FRMD1: variants seen among roughly 807,000 people sequenced by gnomAD.
The protein encoded by FRMD1 is FERM domain containing 1.
In FRMD1, 51 loss-of-function variants were observed where a neutral mutation model predicts 54.9. That is an observed-to-expected ratio of 0.93 (90% CI 0.74 to 1.17). FRMD1 has a LOEUF of 1.17. Among genes scored for constraint, FRMD1 ranks in the 50% most tolerant of loss-of-function variants. The pLI is 0.00. For synonymous variants in FRMD1, 324 were observed against 306.4 expected, an observed-to-expected ratio of 1.06 and a Z score of -0.60; for missense variants, 729 against 743.0, an observed-to-expected ratio of 0.98 and a Z score of 0.22.
intron 7 of FRMD1, among the ~76,000 whole-genome samples, chr6:168,062,395 C>T (rs1562410370): frequency 6.6e-6 from 1 of 152,224 alleles, no homozygotes; most frequent in Non-Finnish European, 1.5e-5. Flanking sequence ...GTTTCTATGA[C>T]CTGCTCTTCT....
rs771021520 is a variant in FRMD1, at chr6:168,061,088, AGCTGGAGAGGGACCAGCCCT to A, written c.1046-51_1046-32del. 6.9e-6 allele frequency: 11 copies of A among 1,587,048 alleles called. No homozygotes were observed. In the South Asian group the frequency reaches 1.2e-4, roughly 18 times the overall value. ...GGGAGTGGGGAGCACAGTGAGGGCG[AGCTGGAGAGGGACCAGCCCT>A]GCTGATGCAGGAGGAAGAGCCCGGG... On this transcript the variant is annotated intron_variant, in intron 8 of 10. Coordinates refer to ENST00000283309, the MANE Select transcript of FRMD1 (RefSeq NM_024919.6).
Position 168,062,940 on chromosome 6 carries a change from GGAC to G in FRMD1, c.821_823del (p.Arg274del). The G allele has an allele frequency of 6.2e-7, 1 of 1,614,084 alleles. No individual in the cohort carries two copies. Among genetic ancestry groups the G allele is most frequent in the South Asian group, 1.1e-5 (1 of 91,080 alleles). On this transcript the variant is annotated inframe_deletion, in exon 7 of 11. Transcript: ENST00000283309. ...GAGGGCCAGTCCCAGGATCACGGTG[GGAC>G]GACCTTCCTTCTTATCCTAGAGGAC...
At chr6:168,070,984 C>T (rs745506228) in intron 2 of FRMD1, among the ~76,000 whole-genome samples, 21 of 152,336 alleles carry the variant, frequency 1.4e-4, no homozygotes, top group Admixed American at 5.2e-4. Flanking sequence ...GCAGGCAGAT[C>T]GGGACACACC....
At chr6:168,067,198 C>T (rs1261940102) in intron 3 of FRMD1, 169 bp downstream of exon 3, 14 of 672,974 alleles carry the variant, frequency 2.1e-5, no homozygotes, top group East Asian at 8.1e-5. Flanking sequence ...TCCCACCCCA[C>T]GCATCCCACC....
intron 1 of FRMD1, chr6:168,075,755 C>A (rs944538107): frequency 1.3e-6 from 2 of 1,550,416 alleles, no homozygotes; most frequent in Non-Finnish European, 1.7e-6. Context: ...CATCGCCCAA[C>A]TGATGCGAGT....
chr6:168,083,149 A>G (rs1204018826), upstream of FRMD1, among the ~76,000 whole-genome samples: 1 of 152,180 alleles, frequency 6.6e-6, no homozygotes, highest in East Asian at 1.9e-4. Context: ...CAGACCTCGT[A>G]AGGTCCACGA....
intron 2 of FRMD1, among the ~76,000 whole-genome samples, chr6:168,074,677 TGA>T (rs1275073870): frequency 6.7e-6 from 1 of 149,904 alleles, no homozygotes; most frequent in Non-Finnish European, 1.5e-5. Flanking sequence ...TGTGTATGTG[TGA>T]GTGGTGTGTA....
Position 168,075,305 on chromosome 6 carries a change from G to C in FRMD1, c.244C>G (p.Gln82Glu), listed in dbSNP as rs745898806. The C allele has an allele frequency of 6.2e-6, 10 of 1,613,364 alleles. No individual in the cohort carries two copies. In the Admixed American group the frequency reaches 1.5e-4, roughly 24 times the overall value. Residue 82 changes from glutamine (Q) to glutamate (E), a missense_variant, in exon 2 of 11, where the codon CAA becomes GAA. By Grantham distance (29) the Gln-to-Glu change is conservative. Coordinates refer to ENST00000283309, the MANE Select transcript of FRMD1 (RefSeq NM_024919.6). ...CTGATGCTCGCCACGTTGCACACTT[G>C]CTGGAAAAGCTCGCGGCCAGTAGCC... The part of the protein sequence containing the change: ...VKATGRELFQ[Q>E]VCNVASIRDA...
At chr6:168,066,265 G>A (rs1400990291) in intron 4 of FRMD1, 17 of 931,216 alleles carry the variant, frequency 1.8e-5, no homozygotes, top group Non-Finnish European at 1.3e-5. Context: ...TTGGGAGGTC[G>A]AGGCGGGTGG....
intron 3 of FRMD1, 122 bp from the exon 4 acceptor site, chr6:168,066,953 T>TCAGCTATGG: frequency 8.2e-7 from 1 of 1,226,574 alleles, no homozygotes; most frequent in Non-Finnish European, 1.2e-6. Context: ...AGCTCAGGTG[T>TCAGCTATGG]CTGCAGCCAT....
In FRMD1 at chr6:168,061,017, C is replaced by T. The variant is rs1799700491; in HGVS notation, c.1086G>A (p.Leu362=). 6.2e-7 allele frequency: 1 copy of T among 1,612,808 alleles called. No homozygotes were observed. The highest frequency in any genetic ancestry group is 8.5e-7 in the Non-Finnish European group (1 of 1,179,764). The change falls in exon 9 of 11, where the codon CTG becomes CTA. Residue 362 remains leucine (L), a synonymous_variant. Transcript: ENST00000283309. ...HYRESYISDE[L]ELDLASRSFP... ...AGCTCCTGCTGGCCAGGTCCAGCTCCAGCTCATCGCTGATATAGGACTCCC... is the reference window on the plus strand; with the variant it reads ...AGCTCCTGCTGGCCAGGTCCAGCTCTAGCTCATCGCTGATATAGGACTCCC...
chr6:168,053,815 C>G lies in FRMD1; in HGVS notation c.*3282G>C, dbSNP rs1799331872. On this transcript the variant is annotated 3_prime_UTR_variant, in exon 11 of 11. Coordinates refer to ENST00000283309, the MANE Select transcript of FRMD1 (RefSeq NM_024919.6). ...GGGAACCACCTCTCCTGTGAGATCC[C>G]AGACACACAGGCAGTTGCTGGCTGC... 2 of 152,280 alleles carry G rather than the reference C, an allele frequency of 1.3e-5. No homozygotes were observed. Among genetic ancestry groups the G allele is most frequent in the South Asian group, 4.1e-4 (2 of 4,832 alleles). The allele number at this position is 152,280 out of a possible 1,614,324, so 9.4% of individuals were successfully genotyped here.
At chr6:168,092,484 G>A (rs551215699) in intron 1 of FRMD1, among the ~76,000 whole-genome samples, 33 of 152,044 alleles carry the variant, frequency 2.2e-4, no homozygotes, top group Admixed American at 8.5e-4. Flanking sequence ...GAGACCCTCC[G>A]CCCCTCCATC....
chr6:168,087,405 T>G (rs1800939653), intron 1 of FRMD1, among the ~76,000 whole-genome samples: 1 of 152,214 alleles, frequency 6.6e-6, no homozygotes. Flanking sequence ...TTGCAGACAG[T>G]GCAAATGATT....
chr6:168,089,554 G>A (rs1216136706), intron 1 of FRMD1, among the ~76,000 whole-genome samples: 1 of 152,200 alleles, frequency 6.6e-6, no homozygotes, highest in Non-Finnish European at 1.5e-5. Context: ...TGTTTATCAC[G>A]CACACTGTTT....
chr6:168,081,507 ACT>A (rs1226136752), upstream of FRMD1: 1 of 1,531,006 alleles, frequency 6.5e-7, no homozygotes, highest in African/African-American at 1.4e-5. Context: ...CCTCGGCCCA[ACT>A]CTCTCTTCTT....
At chr6:168,082,314 G>A (rs1800847138), upstream of FRMD1, among the ~76,000 whole-genome samples, 2 of 152,224 alleles carry the variant, frequency 1.3e-5, no homozygotes, top group Admixed American at 1.3e-4. Flanking sequence ...TGCTCAGTGA[G>A]TGGCCAGCCG....
rs1372635703 is a variant in FRMD1 at position 168,057,226 on chromosome 6, G to T, written c.1521C>A (p.Phe507Leu). ...HPAPTSLSHT[F>L]HRALDCRLAG... Reference sequence around the variant, plus strand: ...CCAGCCTGCAGTCCAGGGCGCGGTGGAAGGTATGGCTGAGTGAGGTGGGCG... The same window carrying T: ...CCAGCCTGCAGTCCAGGGCGCGGTGTAAGGTATGGCTGAGTGAGGTGGGCG... Residue 507 changes from phenylalanine (F) to leucine (L), a missense_variant, in exon 11 of 11, where the codon TTC becomes TTA. By Grantham distance (22) the Phe-to-Leu change is conservative (BLOSUM62 0). Transcript: ENST00000283309. 1.2e-6 allele frequency: 2 copies of T among 1,609,864 alleles called. No individual in the cohort carries two copies. The highest frequency in any genetic ancestry group is 1.3e-5 in the African/African-American group (1 of 74,914).
At position 168,079,080 on chromosome 6, in the gene FRMD1, C is replaced by T. The variant is rs141497910; in HGVS notation, c.15G>A (p.Pro5=). ...GGGCGGGGTCTATGCCCCTCCCTCTCGGGGGCACCGCCATGCTGTCGTTAC... is the reference window on the plus strand; with the variant it reads ...GGGCGGGGTCTATGCCCCTCCCTCTTGGGGGCACCGCCATGCTGTCGTTAC... MAVP[P]RGRGIDPART... Residue 5 remains proline (P), a synonymous_variant, in exon 1 of 11, where the codon CCG becomes CCA. Coordinates refer to ENST00000283309, the MANE Select transcript of FRMD1 (RefSeq NM_024919.6). 4.9e-4 allele frequency: 792 copies of T among 1,604,024 alleles called. 4 individuals are homozygous for T. The African/African-American group carries it at 9.6e-3, about 19-fold the overall frequency.
Sources: gnomAD v4.1 joint callset for allele counts (sites outside exome capture counted in the v4.1 genomes callset) on GRCh38, gnomAD v4.1.1 for gene constraint, MANE v1.5 for transcripts, NCBI Gene and HGNC (gene_info 2026-07-23, HGNC 2026-07-21) for gene names.